Variants in TAMM41 observed in about 807,000 individuals in gnomAD.
The protein encoded by TAMM41 is TAM41 mitochondrial translocator assembly and maintenance homolog, also known as phosphatidate cytidylyltransferase, mitochondrial.
TAMM41 carries 36 observed loss-of-function variants against 44.1 expected under a neutral mutation model. That is an observed-to-expected ratio of 0.82 (90% CI 0.63 to 1.08). The LOEUF is 1.08. TAMM41 is among the 50% of genes least tolerant of loss of function. The pLI, the probability that TAMM41 is intolerant of heterozygous loss-of-function variation, is 0.00. For synonymous variants in TAMM41, 164 were observed against 153.1 expected (o/e 1.07, Z -0.53); for missense variants, 417 against 404.3 (o/e 1.03, Z -0.27).
At chr3:11,722,199 C>T in the TAMM41 span, among the ~76,000 whole-genome samples, 2 of 152,146 alleles carry the variant, frequency 1.3e-5, no homozygotes, top group Admixed American at 1.3e-4. Flanking sequence ...ATCATGGGGA[C>T]AGAAGACCTT....
chr3:11,845,570 A>T (rs2454145), intron 1 of TAMM41, among the ~76,000 whole-genome samples: 62,637 of 151,770 alleles, frequency 0.41, 13,221 homozygotes, highest in Middle Eastern at 0.57. Flanking sequence ...TGTTAAGGTA[A>T]ATTCGGGAAA....
chr3:11,785,603 T>C (rs6442285), downstream of TAMM41, among the ~76,000 whole-genome samples: 114,985 of 151,710 alleles, frequency 0.76, 44,116 homozygotes, highest in East Asian at 0.98. Flanking sequence ...GGATTACAGG[T>C]GTGAGCCACC....
At chr3:11,790,889 T>A (rs1392685404) in intron 7 of TAMM41, among the ~76,000 whole-genome samples, 4 of 152,124 alleles carry the variant, frequency 2.6e-5, no homozygotes, top group Non-Finnish European at 5.9e-5. Flanking sequence ...TTCAAAAAGG[T>A]AGGACAAGGA....
At chr3:11,802,555 TA>T (rs2077785176) in intron 7 of TAMM41, among the ~76,000 whole-genome samples, 2 of 152,090 alleles carry the variant, frequency 1.3e-5, no homozygotes, top group Non-Finnish European at 2.9e-5. Context: ...GAATCACTAA[TA>T]AAAATCTCCC....
the TAMM41 span, among the ~76,000 whole-genome samples, chr3:11,738,827 G>C: frequency 4.6e-5 from 7 of 152,148 alleles, no homozygotes; most frequent in Non-Finnish European, 8.8e-5. Flanking sequence ...ATACTCAGTG[G>C]GTGGTGGCAC....
At chr3:11,805,727 AG>A (rs1261737208) in intron 7 of TAMM41, among the ~76,000 whole-genome samples, 10 of 152,370 alleles carry the variant, frequency 6.6e-5, no homozygotes, top group African/African-American at 2.2e-4. Flanking sequence ...TTAGGTTGAA[AG>A]ATCACTCCCC....
chr3:11,790,075 G>GT (rs2077445938), downstream of TAMM41, among the ~76,000 whole-genome samples: 1 of 152,130 alleles, frequency 6.6e-6, no homozygotes, highest in Non-Finnish European at 1.5e-5. Flanking sequence ...AAATGTTGAC[G>GT]TGACACTTGC....
chr3:11,819,792 G>C (rs2078439228), intron 4 of TAMM41, among the ~76,000 whole-genome samples: 1 of 151,848 alleles, frequency 6.6e-6, no homozygotes, highest in Non-Finnish European at 1.5e-5. Flanking sequence ...AGAAAAACAA[G>C]ACAAAGAGAC....
chr3:11,741,220 A>G, the TAMM41 span, among the ~76,000 whole-genome samples: 1 of 142,110 alleles, frequency 7.0e-6, no homozygotes, highest in African/African-American at 3.0e-5. Context: ...CCGTCTCAAA[A>G]AAAAAAAAAA....
chr3:11,793,276 C>T (rs1185514855), intron 7 of TAMM41, among the ~76,000 whole-genome samples: 1 of 152,058 alleles, frequency 6.6e-6, no homozygotes, highest in Non-Finnish European at 1.5e-5. Flanking sequence ...GCTCAACTTC[C>T]TCAGTCATGA....
At chr3:11,734,454 TG>T in the TAMM41 span, among the ~76,000 whole-genome samples, 2 of 152,202 alleles carry the variant, frequency 1.3e-5, no homozygotes, top group Non-Finnish European at 2.9e-5. Flanking sequence ...CTTCACCCAG[TG>T]GCTTCTGATC....
At chr3:11,809,767 A>T in intron 5 of TAMM41, 85 bp from the exon 6 acceptor site, 1 of 1,435,422 alleles carries the variant, frequency 7.0e-7, no homozygotes, top group Admixed American at 2.3e-5. Flanking sequence ...CTCTTTAAAA[A>T]TCACACAAAC....
At chr3:11,816,581 T>C (rs960518976) in intron 5 of TAMM41, among the ~76,000 whole-genome samples, 13 of 151,974 alleles carry the variant, frequency 8.6e-5, no homozygotes, top group Non-Finnish European at 1.8e-4. Context: ...CTGTGCAACA[T>C]GGCAAAACCC....
chr3:11,808,162 G>A (rs902070793), intron 6 of TAMM41: 1 of 956,194 alleles, frequency 1.0e-6, no homozygotes, highest in African/African-American at 1.7e-5. Flanking sequence ...TAAAACAAGG[G>A]GATGGGTTAG....
the TAMM41 span, among the ~76,000 whole-genome samples, chr3:11,771,780 A>T: frequency 4.0e-5 from 6 of 151,510 alleles, no homozygotes; most frequent in East Asian, 2.0e-4. Context: ...ATGGGGTTTC[A>T]CCATGTTTGC....
At position 11,846,483 on chromosome 3, in the gene TAMM41, T is replaced by A; in HGVS notation, c.135+19A>T. 1 of 1,613,984 alleles carries A rather than the reference T, an allele frequency of 6.2e-7. No individual in the cohort carries two copies. The highest frequency in any genetic ancestry group is 8.5e-7 in the Non-Finnish European group (1 of 1,179,938). ...CGTGAGAACAGACAGTTCCCCGTCG[T>A]GGGGCTGCCCGGGCTCACCTTCTGG... is the stretch of plus-strand genomic sequence containing the variant. On this transcript the variant is annotated intron_variant, in intron 1 of 7. Transcript: ENST00000455809.
At chr3:11,742,067 C>A in the TAMM41 span, among the ~76,000 whole-genome samples, 3 of 150,008 alleles carry the variant, frequency 2.0e-5, no homozygotes, top group Admixed American at 2.0e-4. Context: ...GGGGGTCTAC[C>A]GTATGCATTT....
At chr3:11,790,039 AAC>A (rs1012063878), downstream of TAMM41, among the ~76,000 whole-genome samples, 1 of 152,198 alleles carries the variant, frequency 6.6e-6, no homozygotes, top group African/African-American at 2.4e-5. Flanking sequence ...AGAACAAAGA[AAC>A]ACACGAAAAG....
chr3:11,748,752 G>C, the TAMM41 span, among the ~76,000 whole-genome samples: 1 of 152,072 alleles, frequency 6.6e-6, no homozygotes, highest in African/African-American at 2.4e-5. Context: ...ATTTTTGAGA[G>C]CTTTACTTTC....
Sources: allele counts gnomAD v4.1 joint callset (sites outside exome capture counted in the v4.1 genomes callset), GRCh38; gene constraint gnomAD v4.1.1; transcripts MANE v1.5; gene names NCBI Gene and HGNC (gene_info 2026-07-23, HGNC 2026-07-21).